Variants in ARL15 observed in about 807,000 individuals in gnomAD.
ARL15 encodes ADP-ribosylation factor-like protein 15.
A neutral mutation model predicts 25.2 loss-of-function variants in ARL15; 19 were observed. The ratio of observed to expected loss-of-function variants is 0.75; its 90% CI spans 0.53 to 1.10. ARL15 has a LOEUF of 1.10. Ranked by LOEUF, ARL15 falls within the 50% of genes least tolerant of loss-of-function variation. ARL15 has a pLI of 0.00. For missense variants in ARL15, 220 were observed against 246.0 expected (o/e 0.89, Z 0.71); for synonymous variants, 94 against 86.8 (o/e 1.08, Z -0.46).
At chr5:53,950,662 ATCT>A (rs1746914095) in intron 4 of ARL15, among the ~76,000 whole-genome samples, 1 of 152,086 alleles carries the variant, frequency 6.6e-6, no homozygotes, top group Admixed American at 6.5e-5. Flanking sequence ...TTCCATCCCA[ATCT>A]TCTCCATGCT....
chr5:54,146,102 G>A (rs1044941226), intron 3 of ARL15, among the ~76,000 whole-genome samples: 1 of 151,850 alleles, frequency 6.6e-6, no homozygotes, highest in Non-Finnish European at 1.5e-5. Context: ...AGAGTGATAG[G>A]AACTTTGTCA....
At chr5:53,914,654 C>G (rs188294793) in intron 4 of ARL15, among the ~76,000 whole-genome samples, 19 of 152,314 alleles carry the variant, frequency 1.2e-4, no homozygotes, top group African/African-American at 4.1e-4. Context: ...CTCATCTTGG[C>G]GAATTCCGCA....
intron 4 of ARL15, among the ~76,000 whole-genome samples, chr5:53,897,018 G>A (rs559681433): frequency 3.3e-5 from 5 of 152,200 alleles, no homozygotes; most frequent in African/African-American, 1.2e-4. Context: ...TGCTTGGTTG[G>A]ACTTTATGTT....
intron 4 of ARL15, among the ~76,000 whole-genome samples, chr5:53,983,733 C>A (rs1460949332): frequency 6.6e-6 from 1 of 152,166 alleles, no homozygotes; most frequent in African/African-American, 2.4e-5. Context: ...CTGCCGTAGG[C>A]TAGGGTGGAT....
rs1757221386 is a variant in ARL15, at chr5:54,250,946, A to G, written c.48+59486T>C. Among the ~76,000 whole-genome samples, 5 of 152,204 alleles carry G rather than the reference A, an allele frequency of 3.3e-5. No individual in the cohort carries two copies. The South Asian group carries it at 1.0e-3, about 31-fold the overall frequency. On this transcript the variant is annotated intron_variant, in intron 1 of 4. Coordinates refer to ENST00000504924, the MANE Select transcript of ARL15 (RefSeq NM_019087.3). ...GCAAGGTCCACCTCCTAACAGTGAC[A>G]GGCTAACTTTATTTAACTAAATATA...
At chr5:54,304,847 C>T (rs1441526100) in intron 1 of ARL15, among the ~76,000 whole-genome samples, 3 of 149,006 alleles carry the variant, frequency 2.0e-5, no homozygotes, top group Non-Finnish European at 4.5e-5. Flanking sequence ...AAACAATGTA[C>T]TTTTTTTTTT....
intron 1 of ARL15, among the ~76,000 whole-genome samples, chr5:54,221,656 A>T (rs1480584679): frequency 6.6e-6 from 1 of 152,042 alleles, no homozygotes; most frequent in Non-Finnish European, 1.5e-5. Context: ...GAGATAATAT[A>T]TCCAAAACGA....
intron 1 of ARL15, among the ~76,000 whole-genome samples, chr5:54,267,306 C>T (rs35918): frequency 0.72 from 109,085 of 152,038 alleles, 39,673 homozygotes; most frequent in African/African-American, 0.75. Context: ...TTAGCCAGGA[C>T]GGTCTCGATC....
Position 53,887,437 on chromosome 5 carries a change from A to G in ARL15, c.463-724T>C, listed in dbSNP as rs1744568253. 4.3e-6 allele frequency: 3 copies of G among 696,920 alleles called. No individual in the cohort carries two copies. In the African/African-American group the frequency reaches 5.3e-5, roughly 12 times the overall value. 43.2% of individuals were successfully genotyped at this position (696,920 alleles called of 1,614,324 possible). ...TAGGTATGTGCTGAAAAACCTGTTC[A>G]ATTAATAACCAGTCACAAGTCACTC... On this transcript the variant is annotated intron_variant, in intron 4 of 4. Transcript: ENST00000504924.
rs1168500786 is a variant in ARL15, at chr5:54,029,306, T to TACCACCACCACCACC, written c.462+83881_462+83895dup. The stretch of plus-strand genomic sequence containing the variant: ...AAAATAGTTAATTTATAAAAACAGT[T>TACCACCACCACCACC]ACCACCACCACCACCACCACCACCA... On this transcript the variant is annotated intron_variant, in intron 4 of 4. Coordinates refer to ENST00000504924, the MANE Select transcript of ARL15 (RefSeq NM_019087.3). Among the ~76,000 whole-genome samples the TACCACCACCACCACC allele has an allele frequency of 1.0e-4, 12 of 120,080 alleles. 1 individual carries two copies. The highest frequency in any genetic ancestry group is 1.5e-4 in the Non-Finnish European group (8 of 54,776). 78.8% of individuals were successfully genotyped at this position (120,080 alleles called of 152,430 possible).
chr5:54,000,323 A>G (rs1017333855), intron 4 of ARL15, among the ~76,000 whole-genome samples: 1 of 152,184 alleles, frequency 6.6e-6, no homozygotes, highest in Non-Finnish European at 1.5e-5. Flanking sequence ...CACTAGCTGC[A>G]TGTGAGGGTG....
At position 54,302,831 on chromosome 5, in the gene ARL15, C is replaced by T. The variant is rs929997417; in HGVS notation, c.48+7601G>A. On this transcript the variant is annotated intron_variant, in intron 1 of 4. Transcript: ENST00000504924. The stretch of plus-strand genomic sequence containing the variant: ...TGTGACTTGGTACTTTACAGACACT[C>T]GGAAAATGAGGGTCAACCAGAACTG... Among the ~76,000 whole-genome samples, 7 of 151,588 alleles carry T rather than the reference C, an allele frequency of 4.6e-5. No homozygotes were observed. The South Asian group carries it at 1.0e-3, about 23-fold the overall frequency.
chr5:53,924,214 C>G (rs1363568662), intron 4 of ARL15, among the ~76,000 whole-genome samples: 4 of 152,118 alleles, frequency 2.6e-5, no homozygotes, highest in Non-Finnish European at 4.4e-5. Context: ...TGGAAAGTTG[C>G]CATTACGTCT....
intron 1 of ARL15, among the ~76,000 whole-genome samples, chr5:54,220,123 T>C (rs1472652725): frequency 1.3e-5 from 2 of 152,192 alleles, no homozygotes; most frequent in Non-Finnish European, 2.9e-5. Flanking sequence ...AACTGTAGGG[T>C]AACTGCCATA....
intron 4 of ARL15, among the ~76,000 whole-genome samples, chr5:54,098,609 AG>A: frequency 6.6e-6 from 1 of 152,296 alleles, no homozygotes; most frequent in East Asian, 1.9e-4. Context: ...CTGAGAATGA[AG>A]GGGGAAAAAA....
Position 53,899,347 on chromosome 5 carries a change from CAAAAAAAAAAAAAAAAAAA to C in ARL15, c.463-12653_463-12635del, listed in dbSNP as rs59145507. ...TGGGTAACAGAGTGAGACTCTATCC[CAAAAAAAAAAAAAAAAAAA>C]AAAAAAAAAAAAAAAAAAAAATAGA... On this transcript the variant is annotated intron_variant, in intron 4 of 4. Coordinates refer to ENST00000504924, the MANE Select transcript of ARL15 (RefSeq NM_019087.3). 8.9e-3 allele frequency among the ~76,000 whole-genome samples: 791 copies of C among 89,366 alleles called. 17 individuals carry two copies. Among genetic ancestry groups the C allele is most frequent in the African/African-American group, 0.038 (692 of 18,358 alleles). 58.6% of individuals were successfully genotyped at this position (89,366 alleles called of 152,430 possible).
At chr5:54,049,979 T>A (rs73112664) in intron 4 of ARL15, among the ~76,000 whole-genome samples, 1 of 152,192 alleles carries the variant, frequency 6.6e-6, no homozygotes, top group Non-Finnish European at 1.5e-5. Context: ...AGATCATTTA[T>A]TGGTGTGTTC....
chr5:54,106,727 A>T (rs1752599865), intron 4 of ARL15, among the ~76,000 whole-genome samples: 2 of 152,126 alleles, frequency 1.3e-5, no homozygotes, highest in African/African-American at 4.8e-5. Flanking sequence ...TGAATACATG[A>T]ATGCAGAACT....
chr5:53,937,491 A>G (rs146333871), intron 4 of ARL15, among the ~76,000 whole-genome samples: 302 of 152,342 alleles, frequency 2.0e-3, no homozygotes, highest in Middle Eastern at 0.01. Context: ...ACAACATTTC[A>G]GTCAAGGATG....
Sources: allele counts gnomAD v4.1 joint callset (sites outside exome capture counted in the v4.1 genomes callset), GRCh38; gene constraint gnomAD v4.1.1; transcripts MANE v1.5; gene names NCBI Gene and HGNC (gene_info 2026-07-23, HGNC 2026-07-21).